The following SUPV3L1 variants were observed in gnomAD, a reference collection of about 807,000 sequenced individuals.
SUPV3L1 encodes the protein ATP-dependent RNA helicase SUPV3L1, mitochondrial.
A neutral mutation model predicts 70.0 loss-of-function variants in SUPV3L1; 35 were observed. The observed-to-expected ratio is 0.50, with a 90% CI of 0.38 to 0.66. The LOEUF is 0.66. Among genes scored for constraint, SUPV3L1 ranks in the 30% least tolerant of loss-of-function variants. The probability of loss-of-function intolerance (pLI) is 0.00; values close to 1 mark genes in which losing one functional copy is unlikely to be tolerated. For synonymous variants in SUPV3L1, 364 were observed against 341.9 expected (o/e 1.06, Z -0.71); for missense variants, 777 against 961.5 (o/e 0.81, Z 2.54).
In SUPV3L1 at chr10:69,202,950, C is replaced by G. The variant is rs751036839; in HGVS notation, c.1683C>G (p.Ile561Met). 1.9e-6 allele frequency: 3 copies of G among 1,614,036 alleles called. No individual in the cohort carries two copies. In the South Asian group the frequency reaches 3.3e-5, roughly 18 times the overall value. ...MDDFKFSAEL[I>M]QHIPLSLRVR... ...ATTTTAAATTTTCTGCAGAGTTGATCCAGCATATTCCACTAAGTCTGCGAG... is the reference window on the plus strand; with the variant it reads ...ATTTTAAATTTTCTGCAGAGTTGATGCAGCATATTCCACTAAGTCTGCGAG... The change falls in exon 13 of 15, where the codon ATC (isoleucine) becomes ATG (methionine). Residue 561 changes from isoleucine to methionine, a missense_variant. Around this residue, in one of 2 missense-constraint regions of SUPV3L1, gnomAD observed 619 missense variants for 823.3 expected, o/e 0.75. Transcript: ENST00000359655.
Position 69,186,432 on chromosome 10 carries a change from T to C in SUPV3L1, c.350-11T>C. On this transcript the variant is annotated splice_polypyrimidine_tract_variant and intron_variant, in intron 2 of 14. Coordinates refer to ENST00000359655, the MANE Select transcript of SUPV3L1 (RefSeq NM_003171.5). ...CTACACCTTACATCTTTTCATTTTG[T>C]GTTTCTACAGCTCGTCTCTTCCACC... 1.2e-6 allele frequency: 2 copies of C among 1,600,542 alleles called. No homozygotes were observed. Among genetic ancestry groups the C allele is most frequent in the Non-Finnish European group, 1.7e-6 (2 of 1,167,840 alleles).
chr10:69,205,023 A>AGAG (rs1842788435), intron 13 of SUPV3L1, among the ~76,000 whole-genome samples: 2 of 152,156 alleles, frequency 1.3e-5, no homozygotes, highest in African/African-American at 4.8e-5. Flanking sequence ...CACCTGCCTC[A>AGAG]GCCTCCCAAA....
At chr10:69,186,239 G>A (rs1443133188) in intron 2 of SUPV3L1, among the ~76,000 whole-genome samples, 175 bp downstream of exon 2, 2 of 151,174 alleles carry the variant, frequency 1.3e-5, no homozygotes, top group African/African-American at 2.4e-5. Context: ...CATACTGCAC[G>A]GCAGAGGAGC....
intron 1 of SUPV3L1, among the ~76,000 whole-genome samples, chr10:69,183,620 T>C (rs1248350828): frequency 2.0e-5 from 3 of 152,064 alleles, no homozygotes; most frequent in Non-Finnish European, 4.4e-5. Flanking sequence ...TAGTAGAGGT[T>C]GCAGTGAGCC....
intron 8 of SUPV3L1, among the ~76,000 whole-genome samples, chr10:69,197,420 A>G (rs1203880922): frequency 6.6e-6 from 1 of 152,188 alleles, no homozygotes; most frequent in Non-Finnish European, 1.5e-5. Flanking sequence ...AAAGTGTTGT[A>G]TGTCAGATAT....
In SUPV3L1 at chr10:69,189,408, T is replaced by C; in HGVS notation, c.714T>C (p.His238=). The change falls in exon 5 of 15, where the codon CAT becomes CAC. Residue 238 remains histidine (H), a synonymous_variant. Transcript: ENST00000359655. The stretch of plus-strand genomic sequence containing the variant: ...GTGGCCCTCTAAAATTACTGGCACA[T>C]GAGATCTTCGAAAAGAGTAATGCTG... ...VYCGPLKLLA[H]EIFEKSNAAG... 1.2e-6 allele frequency: 2 copies of C among 1,611,732 alleles called. No individual in the cohort carries two copies. Among genetic ancestry groups the C allele is most frequent in the Non-Finnish European group, 1.7e-6 (2 of 1,178,938 alleles).
At position 69,180,353 on chromosome 10, in the gene SUPV3L1, G is replaced by C. The variant is rs754287412; in HGVS notation, c.62G>C (p.Arg21Pro). ...CCGGCGGGGCGCCAGGCTGGCCACC[G>C]GGCAGCCATCTGCTCTGCCCTTCGT... ...RLPAGRQAGH[R>P]AAICSALRPH... The change falls in exon 1 of 15, where the codon CGG becomes CCG. Residue 21 changes from arginine (R) to proline (P), a missense_variant. By Grantham distance (103) the Arg-to-Pro change is moderately radical (BLOSUM62 -2). This residue lies in a region of SUPV3L1 where 158 missense variants were observed against 138.3 expected (regional missense o/e 1.14). Coordinates refer to ENST00000359655, the MANE Select transcript of SUPV3L1 (RefSeq NM_003171.5). 6 of 1,614,122 alleles carry C rather than the reference G, an allele frequency of 3.7e-6. No individual in the cohort carries two copies. The highest frequency in any genetic ancestry group is 1.1e-5 in the South Asian group (1 of 91,082).
At chr10:69,195,434 G>A (rs1435314992) in intron 7 of SUPV3L1, 169 bp downstream of exon 7, 5 of 419,672 alleles carry the variant, frequency 1.2e-5, no homozygotes, top group Admixed American at 4.1e-5. Context: ...TTTTAATAAT[G>A]GGAAATCTAT....
rs796615889 is a variant in SUPV3L1, at chr10:69,202,739, T to G, written c.1600-128T>G. 4 of 1,111,566 alleles carry G rather than the reference T, an allele frequency of 3.6e-6. No individual in the cohort carries two copies. In the African/African-American group the frequency reaches 6.3e-5, roughly 17 times the overall value. 68.9% of individuals were successfully genotyped at this position (1,111,566 alleles called of 1,614,324 possible). ...GTGGGGAAGGATATGAGGGAGTGAT[T>G]AAAGCAAGCCTTTATGGAAGTTTGT... is the stretch of plus-strand genomic sequence containing the variant. On this transcript the variant is annotated intron_variant, in intron 12 of 14. Coordinates refer to ENST00000359655, the MANE Select transcript of SUPV3L1 (RefSeq NM_003171.5).
chr10:69,181,024 C>G (rs1842041389), intron 1 of SUPV3L1, among the ~76,000 whole-genome samples: 1 of 152,146 alleles, frequency 6.6e-6, no homozygotes, highest in African/African-American at 2.4e-5. Flanking sequence ...GAACCAGACT[C>G]AGATCCAGAT....
At chr10:69,191,064 A>G (rs1378352123) in intron 5 of SUPV3L1, among the ~76,000 whole-genome samples, 3 of 152,210 alleles carry the variant, frequency 2.0e-5, no homozygotes, top group Non-Finnish European at 4.4e-5. Context: ...AATGAAGTCA[A>G]ATAGTTCAGA....
At chr10:69,206,998 C>T (rs1271245501) in intron 13 of SUPV3L1, among the ~76,000 whole-genome samples, 1 of 152,096 alleles carries the variant, frequency 6.6e-6, no homozygotes, top group Admixed American at 6.5e-5. Flanking sequence ...CAGAGCGAGA[C>T]TCCGTCTCAA....
At chr10:69,205,433 G>T (rs928260044) in intron 13 of SUPV3L1, among the ~76,000 whole-genome samples, 2 of 152,174 alleles carry the variant, frequency 1.3e-5, no homozygotes, top group Non-Finnish European at 2.9e-5. Flanking sequence ...GCAGTGCAGT[G>T]GCACAATCAT....
intron 13 of SUPV3L1, among the ~76,000 whole-genome samples, chr10:69,206,043 C>T (rs922199003): frequency 1.3e-5 from 2 of 150,102 alleles, no homozygotes; most frequent in African/African-American, 4.9e-5. Context: ...GATGGATGGG[C>T]GGGCATCTCT....
rs760119016 is a variant in SUPV3L1 at position 69,200,301 on chromosome 10, T to G, written c.1320T>G (p.Phe440Leu). The change falls in exon 11 of 15, where the codon TTT becomes TTG. Residue 440 changes from phenylalanine (F) to leucine (L), a missense_variant. Around this residue, in one of 2 missense-constraint regions of SUPV3L1, gnomAD observed 619 missense variants for 823.3 expected, o/e 0.75. Transcript: ENST00000359655. ...TCAGGAGCATAAGGAGAATTATTTT[T>G]TACTCCCTTATAAAGCCCAGTATCA... ...GLNLSIRRII[F>L]YSLIKPSINE... is the part of the protein sequence containing the mutation. The G allele has an allele frequency of 6.2e-7, 1 of 1,613,734 alleles. No individual in the cohort carries two copies. The highest frequency in any genetic ancestry group is 8.5e-7 in the Non-Finnish European group (1 of 1,179,856).
At chr10:69,198,976 GT>G (rs1842614901) in intron 9 of SUPV3L1, 127 bp from the exon 10 acceptor site, 11 of 686,868 alleles carry the variant, frequency 1.6e-5, no homozygotes, top group Middle Eastern at 3.3e-4. Flanking sequence ...AAGAAATAAA[GT>G]TTGAAACAGT....
chr10:69,189,123 A>T, intron 4 of SUPV3L1, 144 bp from the exon 5 acceptor site: 1 of 824,760 alleles, frequency 1.2e-6, no homozygotes, highest in East Asian at 3.0e-5. Context: ...TAATGTGGAT[A>T]TGAAACCCAT....
At chr10:69,187,589 A>T in intron 3 of SUPV3L1, 53 bp from the exon 4 acceptor site, 1 of 1,296,626 alleles carries the variant, frequency 7.7e-7, no homozygotes, top group Non-Finnish European at 1.1e-6. Flanking sequence ...CACTAAATTT[A>T]GTTACGAATT....
Position 69,208,687 on chromosome 10 carries a change from C to T in SUPV3L1, c.2013C>T (p.His671=). Residue 671 remains histidine, a synonymous_variant, in exon 15 of 15, where the codon CAC becomes CAT. Coordinates refer to ENST00000359655, the MANE Select transcript of SUPV3L1 (RefSeq NM_003171.5). ...ELDGIIQDGV[H]NITKLIKMSE... Reference sequence around the variant, plus strand: ...ATGGTATTATCCAAGATGGTGTGCACAATATCACTAAATTGATTAAAATGT... The same window carrying T: ...ATGGTATTATCCAAGATGGTGTGCATAATATCACTAAATTGATTAAAATGT... 6.2e-7 allele frequency: 1 copy of T among 1,614,118 alleles called. No individual in the cohort carries two copies. The highest frequency in any genetic ancestry group is 8.5e-7 in the Non-Finnish European group (1 of 1,180,028).
Sources: gnomAD v4.1 joint callset for allele counts (sites outside exome capture counted in the v4.1 genomes callset) on GRCh38, gnomAD v4.1.1 for gene constraint, gnomAD v4.1.1 regional missense constraint, MANE v1.5 for transcripts, NCBI Gene and HGNC (gene_info 2026-07-23, HGNC 2026-07-21) for gene names.